The following CALHM4 variants were observed in gnomAD, a reference collection of about 807,000 sequenced individuals.
The protein encoded by CALHM4 is calcium homeostasis modulator protein 4.
Under a neutral mutation model 13.3 loss-of-function variants are expected in CALHM4, and 16 were observed. The ratio of observed to expected loss-of-function variants is 1.20; its 90% CI spans 0.81 to 1.82. CALHM4 has a LOEUF of 1.82. Ranked by LOEUF, CALHM4 falls within the 40% of genes most tolerant of loss-of-function variation. The pLI is 0.00. For missense variants in CALHM4, 344 were observed against 374.9 expected (o/e 0.92, Z 0.68); for synonymous variants, 127 against 137.1 (o/e 0.93, Z 0.52).
intron 1 of CALHM4, among the ~76,000 whole-genome samples, chr6:116,535,372 A>G (rs1296412646): frequency 6.6e-6 from 1 of 152,224 alleles, no homozygotes; most frequent in Non-Finnish European, 1.5e-5. Flanking sequence ...GTGCTCATCT[A>G]CTGGTGAGGA....
chr6:116,534,612 A>G (rs1465427369), intron 1 of CALHM4, among the ~76,000 whole-genome samples: 2 of 152,152 alleles, frequency 1.3e-5, no homozygotes, highest in Non-Finnish European at 2.9e-5. Flanking sequence ...TATGTGCCTA[A>G]ATCTTTTGTC....
At chr6:116,551,602 A>G (rs1044703259), upstream of CALHM4, among the ~76,000 whole-genome samples, 1 of 150,974 alleles carries the variant, frequency 6.6e-6, no homozygotes, top group Non-Finnish European at 1.5e-5. Flanking sequence ...TACTTTGTTG[A>G]TTCATTCCTT....
At chr6:116,549,281 G>A (rs148170070), upstream of CALHM4, among the ~76,000 whole-genome samples, 106 of 152,230 alleles carry the variant, frequency 7.0e-4, 1 homozygote, top group African/African-American at 2.3e-3. Context: ...GTGAGACTCC[G>A]TCTCAAAATG....
At chr6:116,557,333 A>G (rs1016683269) in intron 1 of CALHM4, among the ~76,000 whole-genome samples, 6 of 152,232 alleles carry the variant, frequency 3.9e-5, no homozygotes, top group Non-Finnish European at 8.8e-5. Context: ...TCAGGAAAAA[A>G]TATCAGTGAA....
exon 2 of CALHM4, chr6:116,543,808 T>A: frequency 1.3e-6 from 2 of 1,533,940 alleles, no homozygotes; most frequent in Non-Finnish European, 1.7e-6. Context: ...GTCTGCACAA[T>A]CCCTAATGGC....
chr6:116,547,149 A>G (rs1179140504), intron 2 of CALHM4, among the ~76,000 whole-genome samples: 1 of 152,134 alleles, frequency 6.6e-6, no homozygotes, highest in Admixed American at 6.6e-5. Flanking sequence ...ACACACTCTA[A>G]TTATGTTAGA....
chr6:116,549,050 C>T (rs374835946), upstream of CALHM4, among the ~76,000 whole-genome samples: 339 of 152,168 alleles, frequency 2.2e-3, no homozygotes, highest in African/African-American at 7.5e-3. Context: ...TTTGGGAGAC[C>T]GAGGTCGGTG....
intron 1 of CALHM4, among the ~76,000 whole-genome samples, chr6:116,536,337 T>G (rs1476683790): frequency 6.6e-6 from 1 of 152,188 alleles, no homozygotes; most frequent in East Asian, 1.9e-4. Flanking sequence ...TGGCGCAACT[T>G]AAGTCTACTA....
At chr6:116,546,667 T>C (rs775005412) in intron 2 of CALHM4, among the ~76,000 whole-genome samples, 1 of 152,134 alleles carries the variant, frequency 6.6e-6, no homozygotes, top group Non-Finnish European at 1.5e-5. Flanking sequence ...ACAATATCAC[T>C]CACCTCACAG....
At chr6:116,545,795 A>C (rs1197300767) in intron 2 of CALHM4, among the ~76,000 whole-genome samples, 3 of 152,196 alleles carry the variant, frequency 2.0e-5, no homozygotes, top group Admixed American at 1.3e-4. Flanking sequence ...AAAAGCTGAT[A>C]ATGTGAAGTC....
intron 1 of CALHM4, chr6:116,543,215 GA>G (rs1371592417): frequency 1.1e-6 from 1 of 928,392 alleles, no homozygotes; most frequent in Non-Finnish European, 1.6e-6. Flanking sequence ...CTGGTGAAAT[GA>G]AGCAAAGGAA....
At chr6:116,540,358 G>C (rs1449783725) in intron 1 of CALHM4, 1 of 1,549,630 alleles carries the variant, frequency 6.5e-7, no homozygotes, top group Non-Finnish European at 8.7e-7. Context: ...TAAAAACATA[G>C]TTACCTGGGC....
Position 116,558,110 on chromosome 6 carries a change from T to C in CALHM4, c.844T>C (p.Cys282Arg), listed in dbSNP as rs1774422785. Reference protein sequence around the residue: ...WKDISVPTLLCMGDDLQGHYS... With the variant: ...WKDISVPTLLRMGDDLQGHYS... ...AGATATTTCAGTACCCACTCTTTTA[T>C]GCATGGGTGATGACTTGCAAGGTCA... is the stretch of plus-strand genomic sequence containing the variant. The change falls in exon 2 of 2, where the codon TGC becomes CGC. Residue 282 changes from cysteine (C) to arginine (R), a missense_variant. Physicochemically the swap from Cys to Arg is radical, Grantham distance 180 (BLOSUM62 -3). Coordinates refer to ENST00000368596, the MANE Select transcript of CALHM4 (RefSeq NM_001366078.2). The C allele has an allele frequency of 6.2e-7, 1 of 1,614,200 alleles. No homozygotes were observed. The highest frequency in any genetic ancestry group is 8.5e-7 in the Non-Finnish European group (1 of 1,180,006).
chr6:116,532,382 G>A (rs1772793845), intron 1 of CALHM4, among the ~76,000 whole-genome samples: 1 of 152,180 alleles, frequency 6.6e-6, no homozygotes, highest in African/African-American at 2.4e-5. Context: ...AATTACAGGC[G>A]TGAGCCACCG....
chr6:116,534,737 A>C (rs1382421762), intron 1 of CALHM4, among the ~76,000 whole-genome samples: 1 of 152,066 alleles, frequency 6.6e-6, no homozygotes, highest in Non-Finnish European at 1.5e-5. Context: ...CATCCCCCAA[A>C]ATCATTGCTC....
At chr6:116,557,377 A>T (rs1181608914) in intron 1 of CALHM4, among the ~76,000 whole-genome samples, 5 of 152,222 alleles carry the variant, frequency 3.3e-5, no homozygotes, top group Admixed American at 2.0e-4. Flanking sequence ...ATGCCTTAGA[A>T]GGTTACTATT....
chr6:116,550,992 C>T (rs73769129), upstream of CALHM4, among the ~76,000 whole-genome samples: 2 of 152,092 alleles, frequency 1.3e-5, no homozygotes, highest in African/African-American at 2.4e-5. Flanking sequence ...GGCCAGGTCG[C>T]GGGCACGTAG....
intron 1 of CALHM4, among the ~76,000 whole-genome samples, chr6:116,532,702 A>C (rs1027910497): frequency 2.6e-5 from 4 of 152,242 alleles, no homozygotes; most frequent in African/African-American, 7.2e-5. Context: ...GTACAAAATA[A>C]GCTGGTCAAC....
chr6:116,543,899 G>A, intron 2 of CALHM4: 2 of 1,477,588 alleles, frequency 1.4e-6, no homozygotes, highest in Non-Finnish European at 1.8e-6. Context: ...TTTACTTAGA[G>A]AAAAAAGGGG....
Sources: allele counts gnomAD v4.1 joint callset (sites outside exome capture counted in the v4.1 genomes callset), GRCh38; gene constraint gnomAD v4.1.1; transcripts MANE v1.5; gene names NCBI Gene and HGNC (gene_info 2026-07-23, HGNC 2026-07-21).